The following SPON1 variants were observed in gnomAD, a reference collection of about 807,000 sequenced individuals.
SPON1 encodes the protein spondin 1.
SPON1 carries 52 observed loss-of-function variants against 111.7 expected under a neutral mutation model. That is an observed-to-expected ratio of 0.47 (90% CI 0.37 to 0.59). The LOEUF is 0.59. Ranked by LOEUF, SPON1 falls within the 20% of genes least tolerant of loss-of-function variation. The pLI is 0.00. For synonymous variants in SPON1, 410 were observed against 395.8 expected (o/e 1.04, Z -0.43); for missense variants, 957 against 1,068.5 (o/e 0.90, Z 1.46).
At chr11:14,017,634 T>G (rs1270492958) in intron 2 of SPON1, among the ~76,000 whole-genome samples, 1 of 152,202 alleles carries the variant, frequency 6.6e-6, no homozygotes, top group Non-Finnish European at 1.5e-5. Flanking sequence ...ACAACTTGCC[T>G]AAGGCCACCT....
In SPON1 at chr11:14,135,452, G is replaced by C. The variant is rs782818635; in HGVS notation, c.709G>C (p.Gly237Arg). Reference sequence around the variant, plus strand: ...CAACCACTGGTCTGCGATCATCGGAGGATCCCACTCCAAGAATTATGTACT... The same window carrying C: ...CAACCACTGGTCTGCGATCATCGGACGATCCCACTCCAAGAATTATGTACT... Reference protein sequence around the residue: ...RANHWSAIIGGSHSKNYVLWE... With the variant: ...RANHWSAIIGRSHSKNYVLWE... The change falls in exon 6 of 16, where the codon GGA (glycine) becomes CGA (arginine). Residue 237 changes from glycine to arginine, a missense_variant. By Grantham distance (125) the Gly-to-Arg change is moderately radical (BLOSUM62 -2). This residue lies in a region of SPON1 where 122 missense variants were observed against 143.2 expected (regional missense o/e 0.85). Transcript: ENST00000576479. This position sits in a 1 kb window ranked among gnomAD's most constrained non-coding sequence, Gnocchi z 4.4. 1 of 1,613,286 alleles carries C rather than the reference G, an allele frequency of 6.2e-7. No individual in the cohort carries two copies. Among genetic ancestry groups the C allele is most frequent in the Admixed American group, 1.7e-5 (1 of 60,012 alleles).
At chr11:14,227,776 A>G (rs1554938282) in intron 6 of SPON1, among the ~76,000 whole-genome samples, 1 of 152,206 alleles carries the variant, frequency 6.6e-6, no homozygotes, top group Non-Finnish European at 1.5e-5. Flanking sequence ...TAACATTCCC[A>G]GGGTTACACA....
intron 6 of SPON1, among the ~76,000 whole-genome samples, chr11:14,163,427 C>T (rs1429903349): frequency 2.6e-5 from 4 of 152,170 alleles, no homozygotes; most frequent in Non-Finnish European, 5.9e-5. Flanking sequence ...GCCTGTCAGG[C>T]TGGGGCCAGC....
chr11:14,245,717 G>T (rs1848982098), intron 7 of SPON1, among the ~76,000 whole-genome samples: 3 of 152,120 alleles, frequency 2.0e-5, no homozygotes, highest in Admixed American at 2.0e-4. Context: ...CTGCATGGAG[G>T]CCTTTTCTAG....
intron 6 of SPON1, among the ~76,000 whole-genome samples, chr11:14,177,316 G>C (rs984981516): frequency 6.6e-6 from 1 of 151,840 alleles, no homozygotes; most frequent in African/African-American, 2.4e-5. Context: ...CTGGGATTAC[G>C]GTCATGAACC....
chr11:14,106,352 A>C (rs1849184151), intron 5 of SPON1, among the ~76,000 whole-genome samples: 1 of 152,240 alleles, frequency 6.6e-6, no homozygotes, highest in African/African-American at 2.4e-5. Flanking sequence ...AAAGACCATT[A>C]ACAACATTAT....
intron 15 of SPON1, 100 bp downstream of exon 15, chr11:14,263,075 G>T (rs1554942092): frequency 4.4e-6 from 4 of 907,802 alleles, no homozygotes; most frequent in Non-Finnish European, 6.4e-6. Context: ...AAAAAAAAAA[G>T]TCGGGGAGAG....
intron 7 of SPON1, among the ~76,000 whole-genome samples, chr11:14,248,653 A>C (rs1449192303): frequency 2.6e-5 from 4 of 152,144 alleles, no homozygotes; most frequent in African/African-American, 9.7e-5. Flanking sequence ...CATGCAGCCA[A>C]GTTTTGTTTT....
intron 2 of SPON1, 130 bp from the exon 3 acceptor site, chr11:14,041,391 C>A: frequency 1.9e-6 from 2 of 1,079,540 alleles, no homozygotes; most frequent in Non-Finnish European, 2.7e-6. Context: ...TATTCTGGTG[C>A]CTGGGGATAC....
intron 15 of SPON1, among the ~76,000 whole-genome samples, chr11:14,264,983 T>C (rs1293104912): frequency 1.3e-5 from 2 of 152,218 alleles, no homozygotes; most frequent in African/African-American, 4.8e-5. Context: ...AACAGTCTTT[T>C]TAAACAATCA....
intron 6 of SPON1, among the ~76,000 whole-genome samples, chr11:14,178,138 C>A (rs1047277349): frequency 6.6e-6 from 1 of 151,578 alleles, no homozygotes; most frequent in African/African-American, 2.4e-5. Flanking sequence ...ATTCTACACA[C>A]AATTCTTCAA....
At chr11:14,043,991 G>T (rs1848650311) in intron 3 of SPON1, among the ~76,000 whole-genome samples, 1 of 152,282 alleles carries the variant, frequency 6.6e-6, no homozygotes, top group East Asian at 1.9e-4. Flanking sequence ...AATGCTTTCT[G>T]TGTACCAAGA....
chr11:14,167,049 AC>A (rs1848038367), intron 6 of SPON1, among the ~76,000 whole-genome samples: 1 of 152,160 alleles, frequency 6.6e-6, no homozygotes, highest in Non-Finnish European at 1.5e-5. Context: ...TAATTATAAT[AC>A]TGATAACATA....
At chr11:13,992,363 A>G (rs1476759481) in intron 2 of SPON1, among the ~76,000 whole-genome samples, 3 of 152,188 alleles carry the variant, frequency 2.0e-5, no homozygotes, top group East Asian at 1.9e-4. Flanking sequence ...TGTGACCATA[A>G]AACTGTCTAC....
intron 6 of SPON1, among the ~76,000 whole-genome samples, chr11:14,201,007 G>A (rs573570555): frequency 1.8e-4 from 28 of 151,902 alleles, no homozygotes; most frequent in Admixed American, 9.8e-4. Flanking sequence ...CTACCTCTCT[G>A]AGCCTCAGTT....
intron 6 of SPON1, among the ~76,000 whole-genome samples, chr11:14,227,602 C>T (rs1175709729): frequency 4.6e-5 from 7 of 152,176 alleles, no homozygotes; most frequent in African/African-American, 1.2e-4. Context: ...CTTTATTGTT[C>T]GGCCTCTCCT....
At chr11:14,048,595 C>T (rs1172222259) in intron 3 of SPON1, among the ~76,000 whole-genome samples, 3 of 152,198 alleles carry the variant, frequency 2.0e-5, no homozygotes, top group Non-Finnish European at 4.4e-5. Flanking sequence ...ACAGACTTTC[C>T]AGGCAGCCCT....
intron 6 of SPON1, among the ~76,000 whole-genome samples, chr11:14,194,528 T>TCACACACACA (rs372569370): frequency 2.8e-5 from 3 of 106,866 alleles, no homozygotes; most frequent in Admixed American, 1.0e-4. Flanking sequence ...TAGGCCTACT[T>TCACACACACA]CACACACACA....
chr11:14,197,341 GTTACGGGCCC>G (rs1291161859), intron 6 of SPON1, among the ~76,000 whole-genome samples: 1 of 152,012 alleles, frequency 6.6e-6, no homozygotes, highest in Non-Finnish European at 1.5e-5. Context: ...ATAGTGAGTT[GTTACGGGCCC>G]CACTTTGCCC....
Sources: gnomAD v4.1 joint callset for allele counts (sites outside exome capture counted in the v4.1 genomes callset) on GRCh38, gnomAD v4.1.1 for gene constraint, gnomAD v4.1.1 regional missense constraint, Gnocchi (gnomAD v3.1) non-coding constraint, MANE v1.5 for transcripts, NCBI Gene and HGNC (gene_info 2026-07-23, HGNC 2026-07-21) for gene names.